GRID2: variants seen among roughly 807,000 people sequenced by gnomAD.
GRID2 encodes the protein glutamate ionotropic receptor delta type subunit 2, also known as glutamate receptor ionotropic, delta-2.
GRID2 carries 33 observed loss-of-function variants against 114.8 expected under a neutral mutation model. That is an observed-to-expected ratio of 0.29 (90% CI 0.22 to 0.38). The LOEUF (loss-of-function observed/expected upper bound fraction) is 0.38. Among genes scored for constraint, GRID2 ranks in the 10% least tolerant of loss-of-function variants. The pLI is 1.00. For synonymous variants in GRID2, 505 were observed against 449.9 expected, an observed-to-expected ratio of 1.12 and a Z score of -1.55; for missense variants, 1,184 against 1,257.7, an observed-to-expected ratio of 0.94 and a Z score of 0.89.
chr4:93,243,188 AG>A (rs1425231773), intron 8 of GRID2, among the ~76,000 whole-genome samples: 2 of 151,960 alleles, frequency 1.3e-5, no homozygotes, highest in African/African-American at 4.8e-5. Flanking sequence ...TTTTCTACTA[AG>A]CTGCAATTTA....
intron 1 of GRID2, among the ~76,000 whole-genome samples, chr4:92,369,091 C>CT (rs1729001296): frequency 6.6e-6 from 1 of 151,922 alleles, no homozygotes; most frequent in South Asian, 2.1e-4. Flanking sequence ...TAAAAACCAG[C>CT]TTTTGCTCAT....
intron 2 of GRID2, among the ~76,000 whole-genome samples, chr4:92,677,290 C>A (rs563295493): frequency 6.6e-6 from 1 of 152,078 alleles, no homozygotes; most frequent in East Asian, 1.9e-4. Context: ...TGTATTTTAC[C>A]ACATAAAAAA....
intron 2 of GRID2, among the ~76,000 whole-genome samples, chr4:92,664,989 T>G (rs1296692826): frequency 6.7e-6 from 1 of 149,380 alleles, no homozygotes; most frequent in Non-Finnish European, 1.5e-5. Flanking sequence ...TGCCATTCTT[T>G]TTTTTTTTTT....
chr4:92,980,296 T>C (rs189145423), intron 2 of GRID2, among the ~76,000 whole-genome samples: 24 of 152,132 alleles, frequency 1.6e-4, no homozygotes, highest in Admixed American at 3.9e-4. Flanking sequence ...TTATTTGCAC[T>C]TGAGGTTCAG....
At chr4:93,378,168 G>A (rs1044880290) in intron 8 of GRID2, among the ~76,000 whole-genome samples, 1 of 152,006 alleles carries the variant, frequency 6.6e-6, no homozygotes, top group Non-Finnish European at 1.5e-5. Context: ...ATTTTTATAT[G>A]CCTGTCTGCT....
intron 1 of GRID2, among the ~76,000 whole-genome samples, chr4:92,386,880 T>A (rs984254481): frequency 1.3e-5 from 2 of 151,882 alleles, no homozygotes; most frequent in Non-Finnish European, 2.9e-5. Context: ...AGCCTCATGT[T>A]TATAAATTTG....
At chr4:93,474,652 G>A (rs564738137) in intron 11 of GRID2, among the ~76,000 whole-genome samples, 43 of 152,176 alleles carry the variant, frequency 2.8e-4, no homozygotes, top group African/African-American at 6.7e-4. Context: ...AAGAAATGGC[G>A]CATGTACTTG....
chr4:92,926,021 C>G (rs1749781855), intron 2 of GRID2, among the ~76,000 whole-genome samples: 1 of 152,038 alleles, frequency 6.6e-6, no homozygotes, highest in East Asian at 1.9e-4. Context: ...ATTAAAGTTG[C>G]AACATCAACA....
chr4:92,971,998 G>C (rs1238768877), intron 2 of GRID2, among the ~76,000 whole-genome samples: 1 of 151,908 alleles, frequency 6.6e-6, no homozygotes, highest in Non-Finnish European at 1.5e-5. Context: ...GCAATTAAAA[G>C]GGGGGTACTG....
chr4:92,436,730 CAT>C (rs1193340049), intron 1 of GRID2, among the ~76,000 whole-genome samples: 2 of 151,892 alleles, frequency 1.3e-5, no homozygotes, highest in Admixed American at 1.3e-4. Flanking sequence ...ATGTATTAGA[CAT>C]ATTAGACTTA....
At chr4:92,411,412 A>T (rs1232895444) in intron 1 of GRID2, among the ~76,000 whole-genome samples, 1 of 152,008 alleles carries the variant, frequency 6.6e-6, no homozygotes, top group African/African-American at 2.4e-5. Context: ...ATAGAGATCA[A>T]TCTCCAGCAA....
chr4:92,461,610 C>CT (rs955265816), intron 1 of GRID2, among the ~76,000 whole-genome samples: 4 of 151,782 alleles, frequency 2.6e-5, no homozygotes, highest in African/African-American at 4.8e-5. Flanking sequence ...AATAAAATGC[C>CT]TTTTTTTAAT....
chr4:92,442,263 C>T (rs904925651), intron 1 of GRID2, among the ~76,000 whole-genome samples: 10 of 151,962 alleles, frequency 6.6e-5, no homozygotes, highest in African/African-American at 2.4e-4. Context: ...GGGAAGGAGT[C>T]AGACAGCCTT....
intron 4 of GRID2, among the ~76,000 whole-genome samples, chr4:93,147,495 G>GA (rs1337115989): frequency 6.6e-6 from 1 of 152,054 alleles, no homozygotes; most frequent in African/African-American, 2.4e-5. Context: ...AATACTCATG[G>GA]AAAAACAGAA....
chr4:92,575,704 C>G (rs1397555134), intron 1 of GRID2, among the ~76,000 whole-genome samples: 1 of 152,176 alleles, frequency 6.6e-6, no homozygotes, highest in Non-Finnish European at 1.5e-5. Flanking sequence ...CCAGCCTGAA[C>G]CCTCCTGTAG....
chr4:93,619,699 A>G (rs1242112472), intron 13 of GRID2, among the ~76,000 whole-genome samples: 1 of 152,250 alleles, frequency 6.6e-6, no homozygotes, highest in Non-Finnish European at 1.5e-5. Context: ...TCGAGGGTCC[A>G]GAGTCATATA....
intron 8 of GRID2, among the ~76,000 whole-genome samples, chr4:93,308,651 G>A (rs1446145246): frequency 6.6e-6 from 1 of 152,118 alleles, no homozygotes; most frequent in African/African-American, 2.4e-5. Flanking sequence ...AATAAGAAAG[G>A]AAAAACAGAA....
chr4:93,588,002 C>T (rs1261142904), intron 13 of GRID2, among the ~76,000 whole-genome samples: 1 of 152,094 alleles, frequency 6.6e-6, no homozygotes, highest in East Asian at 1.9e-4. Flanking sequence ...TTAACCTTTG[C>T]TGTTACTTTA....
rs534107212 is a variant in GRID2, at chr4:92,840,912, T to C, written c.245-244083T>C. 4.0e-3 allele frequency among the ~76,000 whole-genome samples: 613 copies of C among 152,184 alleles called. 2 individuals carry two copies. The highest frequency in any genetic ancestry group is 7.3e-3 in the Admixed American group (112 of 15,246). ...CTGTTTCTCTGTTTCAGTAACTAAA[T>C]GGGTTAATTCTGCTTGCTAAAAGGC... On this transcript the variant is annotated intron_variant, in intron 2 of 15. Transcript: ENST00000282020.
Sources: gnomAD v4.1 joint callset for allele counts (sites outside exome capture counted in the v4.1 genomes callset) on GRCh38, gnomAD v4.1.1 for gene constraint, MANE v1.5 for transcripts, NCBI Gene and HGNC (gene_info 2026-07-23, HGNC 2026-07-21) for gene names.